Variants in ANKRD36 observed in about 807,000 individuals in gnomAD.
ANKRD36 encodes ankyrin repeat domain 36.
A neutral mutation model predicts 278.1 loss-of-function variants in ANKRD36; 179 were observed. The ratio of observed to expected loss-of-function variants is 0.64; its 90% CI spans 0.57 to 0.73. ANKRD36 has a LOEUF of 0.73. Among genes scored for constraint, ANKRD36 ranks in the 30% least tolerant of loss-of-function variants. ANKRD36 has a pLI of 0.00. For synonymous variants in ANKRD36, 320 were observed against 641.1 expected, an observed-to-expected ratio of 0.50 and a Z score of 7.57; for missense variants, 1,159 against 1,956.7, an observed-to-expected ratio of 0.59 and a Z score of 7.69.
At chr2:97,262,741 C>T (rs1221605356) in intron 75 of ANKRD36, among the ~76,000 whole-genome samples, 17 of 131,574 alleles carry the variant, frequency 1.3e-4, no homozygotes, top group African/African-American at 4.6e-4. Flanking sequence ...CTGCATTACA[C>T]GAAAGGTGGT....
At chr2:97,184,169 G>T (rs1242188767) in intron 28 of ANKRD36, among the ~76,000 whole-genome samples, 1 of 151,596 alleles carries the variant, frequency 6.6e-6, no homozygotes, top group Non-Finnish European at 1.5e-5. Flanking sequence ...TAATTTTGGG[G>T]TTTCTGCTGA....
intron 6 of ANKRD36, among the ~76,000 whole-genome samples, chr2:97,128,242 C>A (rs987816210): frequency 6.6e-6 from 1 of 151,334 alleles, no homozygotes. Context: ...AATGAGCTGT[C>A]CATGATGCAG....
chr2:97,208,672 G>T (rs1266052813), intron 54 of ANKRD36, among the ~76,000 whole-genome samples: 1 of 146,444 alleles, frequency 6.8e-6, no homozygotes. Flanking sequence ...TTGGTTACTA[G>T]GAGGCATCAG....
At chr2:97,117,247 T>C (rs1285448329) in intron 1 of ANKRD36, among the ~76,000 whole-genome samples, 1 of 152,010 alleles carries the variant, frequency 6.6e-6, no homozygotes. Flanking sequence ...TTCTTTGGAT[T>C]ATTTTTTTTT....
At chr2:97,124,758 A>G (rs148811523) in intron 5 of ANKRD36, among the ~76,000 whole-genome samples, 161 bp downstream of exon 5, 4 of 151,972 alleles carry the variant, frequency 2.6e-5, no homozygotes, top group South Asian at 4.2e-4. Flanking sequence ...GTGCAACTTC[A>G]TCAGCCAGAA....
chr2:97,183,879 A>G (rs1338638190), intron 28 of ANKRD36, among the ~76,000 whole-genome samples: 1 of 151,652 alleles, frequency 6.6e-6, no homozygotes, highest in African/African-American at 2.4e-5. Flanking sequence ...TGGATAGAAG[A>G]ACCATTGGAA....
chr2:97,122,754 A>G (rs2037238619), intron 3 of ANKRD36, 133 bp from the exon 4 acceptor site: 2 of 728,000 alleles, frequency 2.7e-6, no homozygotes, highest in Non-Finnish European at 4.1e-6. Flanking sequence ...GAGGAGGGAA[A>G]AGAAAGGGAC....
intron 32 of ANKRD36, among the ~76,000 whole-genome samples, chr2:97,187,782 G>C (rs1435018477): frequency 6.6e-6 from 1 of 151,812 alleles, no homozygotes; most frequent in Non-Finnish European, 1.5e-5. Flanking sequence ...GCTAAGAAAA[G>C]ACAGAAAACT....
chr2:97,185,643 A>T, intron 30 of ANKRD36, 133 bp downstream of exon 30: 1 of 1,199,702 alleles, frequency 8.3e-7, no homozygotes, highest in South Asian at 1.4e-5. Context: ...CTTCATTTGT[A>T]ATAAGTTCTC....
rs772447423 is a variant in ANKRD36 at position 97,191,024 on chromosome 2, T to C, written c.2274+18T>C. ...CCTTGAAGGTAATTAAACTCTCATT[T>C]ATATTGTGAACTAGTAAATCTATAG... On this transcript the variant is annotated intron_variant, in intron 35 of 75. Transcript: ENST00000420699. 1 of 1,604,832 alleles carries C rather than the reference T, an allele frequency of 6.2e-7. No homozygotes were observed. The highest frequency in any genetic ancestry group is 1.7e-5 in the Admixed American group (1 of 59,340).
intron 11 of ANKRD36, among the ~76,000 whole-genome samples, chr2:97,147,004 A>T (rs1271847596): frequency 1.3e-5 from 2 of 151,212 alleles, no homozygotes; most frequent in African/African-American, 4.8e-5. Flanking sequence ...CTTTTTTTTA[A>T]ACCATCAAAA....
At chr2:97,123,058 C>G in intron 4 of ANKRD36, 65 bp downstream of exon 4, 1 of 1,301,378 alleles carries the variant, frequency 7.7e-7, no homozygotes, top group Admixed American at 2.8e-5. Context: ...TGGTAGCAGT[C>G]CCTCAAGTCA....
intron 66 of ANKRD36, among the ~76,000 whole-genome samples, chr2:97,220,775 A>ATTTTTTTTTTTTTT (rs58512786): frequency 1.1e-4 from 7 of 62,712 alleles, no homozygotes; most frequent in Admixed American, 5.6e-4. Flanking sequence ...TTTTTTTTTA[A>ATTTTTTTTTTTTTT]TTTTTTTTTT....
At chr2:97,158,937 A>G (rs1355660412) in intron 17 of ANKRD36, among the ~76,000 whole-genome samples, 1 of 152,096 alleles carries the variant, frequency 6.6e-6, no homozygotes, top group East Asian at 1.9e-4. Flanking sequence ...TCATGGGAGT[A>G]AATGATTCTT....
intron 58 of ANKRD36, among the ~76,000 whole-genome samples, chr2:97,212,336 A>C (rs1430353883): frequency 2.0e-5 from 3 of 151,910 alleles, no homozygotes; most frequent in Non-Finnish European, 4.4e-5. Context: ...CTGCTCCAGG[A>C]ACTACTAGAA....
Position 97,123,013 on chromosome 2 carries a change from T to C in ANKRD36, c.593+20T>C. ...TGGCAGGTACAGACCTTAGTTCTTA[T>C]TGTGTCGTTTTTAAACCTGAGTGTC... is the stretch of plus-strand genomic sequence containing the variant. On this transcript the variant is annotated intron_variant, in intron 4 of 75. Coordinates refer to ENST00000420699, the MANE Select transcript of ANKRD36 (RefSeq NM_001354587.1). The C allele has an allele frequency of 6.6e-7, 1 of 1,504,636 alleles. No homozygotes were observed. Among genetic ancestry groups the C allele is most frequent in the Non-Finnish European group, 8.9e-7 (1 of 1,122,350 alleles). The allele number at this position is 1,504,636 out of a possible 1,614,324, so 93.2% of individuals were successfully genotyped here. A position where few individuals can be genotyped will look rare whatever the true frequency, so the allele number is the denominator to read the frequency against.
At chr2:97,161,927 TAA>T (rs938720663) in intron 17 of ANKRD36, among the ~76,000 whole-genome samples, 170 bp from the exon 18 acceptor site, 15 of 152,102 alleles carry the variant, frequency 9.9e-5, no homozygotes, top group Non-Finnish European at 1.8e-4. Context: ...TTTGTTTTTA[TAA>T]GTTTCTTTTT....
intron 6 of ANKRD36, among the ~76,000 whole-genome samples, chr2:97,135,364 G>A (rs1406161830): frequency 6.6e-6 from 1 of 151,668 alleles, no homozygotes; most frequent in Non-Finnish European, 1.5e-5. Context: ...AAAATTTAAT[G>A]CATAAATTAG....
Position 97,124,549 on chromosome 2 carries a change from C to G in ANKRD36, c.683C>G (p.Ala228Gly), listed in dbSNP as rs199948939. The G allele has an allele frequency of 1.9e-6, 3 of 1,552,946 alleles. No individual in the cohort carries two copies. Among genetic ancestry groups the G allele is most frequent in the East Asian group, 2.4e-5 (1 of 41,308 alleles). ...AATATTGATGTGCTTTCTCGAGATG[C>G]GTTTCGAAAGATTGCAGGAGATTAT... ...QHNIDVLSRD[A>G]FRKIAGDYAI... The change falls in exon 5 of 76, where the codon GCG (alanine) becomes GGG (glycine). Residue 228 changes from alanine to glycine, a missense_variant. By Grantham distance (60) the Ala-to-Gly change is moderately conservative (BLOSUM62 0). Transcript: ENST00000420699.
Sources: allele counts gnomAD v4.1 joint callset (sites outside exome capture counted in the v4.1 genomes callset), GRCh38; gene constraint gnomAD v4.1.1; transcripts MANE v1.5; gene names NCBI Gene and HGNC (gene_info 2026-07-23, HGNC 2026-07-21).